The following ARHGAP31 variants were observed in gnomAD, a reference collection of about 807,000 sequenced individuals.
ARHGAP31 encodes Rho GTPase activating protein 31, also known as rho GTPase-activating protein 31.
In ARHGAP31, 34 loss-of-function variants were observed where a neutral mutation model predicts 113.9. The ratio of observed to expected loss-of-function variants is 0.30; its 90% CI spans 0.23 to 0.40. The LOEUF (loss-of-function observed/expected upper bound fraction) is 0.40, where lower values mean the gene tolerates loss of function less well. Ranked by LOEUF, ARHGAP31 falls within the 10% of genes least tolerant of loss-of-function variation. ARHGAP31 has a pLI of 1.00. For missense variants in ARHGAP31, 1,548 were observed against 1,767.1 expected (o/e 0.88, Z 2.22); for synonymous variants, 650 against 684.8 (o/e 0.95, Z 0.79).
intron 1 of ARHGAP31, among the ~76,000 whole-genome samples, chr3:119,310,100 C>G (rs762093293): frequency 6.6e-6 from 1 of 152,208 alleles, no homozygotes; most frequent in African/African-American, 2.4e-5. Flanking sequence ...TCACACTACA[C>G]GGTCCCTTTC....
In ARHGAP31 at chr3:119,319,337, GTT is replaced by G. The variant is rs1048865683; in HGVS notation, c.100+24336_100+24337del. On this transcript the variant is annotated intron_variant, in intron 1 of 11. Coordinates refer to ENST00000264245, the MANE Select transcript of ARHGAP31 (RefSeq NM_020754.4). Reference sequence around the variant, plus strand: ...GTGTCATACAAATATTTATGTTGGTGTTTTGATTTTAGACAAAGCAAAGATCA... The same window carrying G: ...GTGTCATACAAATATTTATGTTGGTGTTGATTTTAGACAAAGCAAAGATCA... Among the ~76,000 whole-genome samples the G allele has an allele frequency of 1.2e-4, 18 of 151,882 alleles. No individual in the cohort carries two copies. In the South Asian group the frequency reaches 1.5e-3, roughly 12 times the overall value.
chr3:119,381,592 A>G lies in ARHGAP31; in HGVS notation c.431+606A>G, dbSNP rs535821668. On this transcript the variant is annotated intron_variant, in intron 4 of 11. Coordinates refer to ENST00000264245, the MANE Select transcript of ARHGAP31 (RefSeq NM_020754.4). The stretch of plus-strand genomic sequence containing the variant: ...CCCTAACAAGTACCAAGATCCCTGT[A>G]GCTGGGAGAATTTTTATTAAAACGA... Among the ~76,000 whole-genome samples, 112 of 152,304 alleles carry G rather than the reference A, an allele frequency of 7.4e-4. 1 individual carries two copies. The South Asian group carries it at 0.022, about 30-fold the overall frequency.
At chr3:119,325,309 C>T (rs944573392) in intron 1 of ARHGAP31, among the ~76,000 whole-genome samples, 20 of 152,308 alleles carry the variant, frequency 1.3e-4, no homozygotes, top group African/African-American at 4.6e-4. Context: ...AGGAAACCAT[C>T]GCAGCTGTCA....
intron 1 of ARHGAP31, among the ~76,000 whole-genome samples, chr3:119,344,590 G>A (rs1212925412): frequency 6.6e-6 from 1 of 152,066 alleles, no homozygotes; most frequent in Non-Finnish European, 1.5e-5. Flanking sequence ...GAGCTTATTG[G>A]GCCACTGTTC....
At chr3:119,401,766 C>T in intron 9 of ARHGAP31, 56 bp from the exon 10 acceptor site, 1 of 1,547,476 alleles carries the variant, frequency 6.5e-7, no homozygotes, top group East Asian at 2.3e-5. Flanking sequence ...TACTGGAAGG[C>T]CTGCTATTGT....
intron 1 of ARHGAP31, among the ~76,000 whole-genome samples, chr3:119,321,958 T>C (rs865902618): frequency 6.6e-6 from 1 of 152,216 alleles, no homozygotes; most frequent in South Asian, 2.1e-4. Flanking sequence ...CGGCCCATAG[T>C]AGTTTATCAT....
chr3:119,313,473 A>G (rs1030719482), intron 1 of ARHGAP31, among the ~76,000 whole-genome samples: 19 of 152,356 alleles, frequency 1.2e-4, no homozygotes, highest in African/African-American at 3.8e-4. Context: ...TCTATTATCT[A>G]TAACTTGTTA....
In ARHGAP31 at chr3:119,414,542, C is replaced by T. The variant is rs377529099; in HGVS notation, c.2613C>T (p.Val871=). Residue 871 remains valine (V), a synonymous_variant, in exon 12 of 12, where the codon GTC becomes GTT. Coordinates refer to ENST00000264245, the MANE Select transcript of ARHGAP31 (RefSeq NM_020754.4). ...GCCCAACCAGGGAGGTTGAGATCGT[C>T]TCACAAGAAGAGGAGGATGTAACCC... ...FPSPTREVEI[V]SQEEEDVTHS... The T allele has an allele frequency of 1.9e-6, 3 of 1,614,230 alleles. No individual in the cohort carries two copies. Among genetic ancestry groups the T allele is most frequent in the Non-Finnish European group, 1.7e-6 (2 of 1,180,032 alleles).
chr3:119,343,590 C>A (rs920849566), intron 1 of ARHGAP31, among the ~76,000 whole-genome samples: 2 of 152,164 alleles, frequency 1.3e-5, no homozygotes, highest in Admixed American at 6.5e-5. Context: ...CTGCCCCAGC[C>A]CATCCACATA....
Position 119,355,632 on chromosome 3 carries a change from C to T in ARHGAP31, c.101-9684C>T, listed in dbSNP as rs562617744. 2.6e-5 allele frequency among the ~76,000 whole-genome samples: 4 copies of T among 152,208 alleles called. No individual in the cohort carries two copies. In the East Asian group the frequency reaches 7.7e-4, roughly 29 times the overall value. ...GGTATATCTCTAATGCTATCCCTCC[C>T]CTATCCCCCCATCTCACGACAGGCC... On this transcript the variant is annotated intron_variant, in intron 1 of 11. Transcript: ENST00000264245.
chr3:119,375,302 C>T (rs754612218), intron 3 of ARHGAP31, among the ~76,000 whole-genome samples: 7 of 152,148 alleles, frequency 4.6e-5, no homozygotes, highest in Non-Finnish European at 5.9e-5. Flanking sequence ...GAGGAAAAGC[C>T]GTTCCTTGCT....
rs1471283030 is a variant in ARHGAP31 at position 119,414,435 on chromosome 3, G to A, written c.2506G>A (p.Gly836Arg). The A allele has an allele frequency of 1.2e-6, 2 of 1,614,118 alleles. No homozygotes were observed. The highest frequency in any genetic ancestry group is 1.7e-6 in the Non-Finnish European group (2 of 1,180,060). ...DSPEISSLCQGEEATPRHSDK... is the reference protein window; with the variant it reads ...DSPEISSLCQREEATPRHSDK... ...CCCTGAGATCTCTAGCCTCTGTCAG[G>A]GAGAGGAGGCAACCCCAAGACACAG... Residue 836 changes from glycine to arginine, a missense_variant, in exon 12 of 12, where the codon GGA (glycine) becomes AGA (arginine). Physicochemically the swap from Gly to Arg is moderately radical, Grantham distance 125. Transcript: ENST00000264245.
At chr3:119,302,994 T>C (rs1298445141) in intron 1 of ARHGAP31, among the ~76,000 whole-genome samples, 2 of 152,224 alleles carry the variant, frequency 1.3e-5, no homozygotes, top group African/African-American at 4.8e-5. Context: ...CCAGGTCCCT[T>C]GCCCACTGCA....
chr3:119,325,434 T>A (rs560721465), intron 1 of ARHGAP31, among the ~76,000 whole-genome samples: 120 of 152,308 alleles, frequency 7.9e-4, no homozygotes, highest in Non-Finnish European at 1.5e-3. Context: ...AGGCAACATA[T>A]TTTAGTGGCT....
At chr3:119,342,816 G>A (rs77366869) in intron 1 of ARHGAP31, among the ~76,000 whole-genome samples, 1 of 151,980 alleles carries the variant, frequency 6.6e-6, no homozygotes, top group Non-Finnish European at 1.5e-5. Flanking sequence ...GGGCTTGGTG[G>A]TTCATGCCTG....
chr3:119,331,097 A>G (rs113731658), intron 1 of ARHGAP31, among the ~76,000 whole-genome samples: 19 of 152,282 alleles, frequency 1.2e-4, no homozygotes, highest in African/African-American at 4.6e-4. Context: ...AACTGCTGAC[A>G]TGGTTCAAAT....
intron 1 of ARHGAP31, among the ~76,000 whole-genome samples, chr3:119,334,118 C>G (rs1333251231): frequency 6.6e-6 from 1 of 152,176 alleles, no homozygotes; most frequent in Non-Finnish European, 1.5e-5. Flanking sequence ...CAGGGACCCC[C>G]TTCCCCCAGG....
chr3:119,395,495 C>T (rs1055865567), intron 8 of ARHGAP31, among the ~76,000 whole-genome samples: 3 of 152,206 alleles, frequency 2.0e-5, no homozygotes, highest in African/African-American at 7.2e-5. Flanking sequence ...GCTTCCTTTG[C>T]TGTGGCAAAG....
At chr3:119,340,908 G>C (rs1353861544) in intron 1 of ARHGAP31, among the ~76,000 whole-genome samples, 1 of 152,126 alleles carries the variant, frequency 6.6e-6, no homozygotes, top group Non-Finnish European at 1.5e-5. Flanking sequence ...CAAAACACAA[G>C]ATCACTTTAA....
Sources: allele counts gnomAD v4.1 joint callset (sites outside exome capture counted in the v4.1 genomes callset), GRCh38; gene constraint gnomAD v4.1.1; transcripts MANE v1.5; gene names NCBI Gene and HGNC (gene_info 2026-07-23, HGNC 2026-07-21).